The following FAM227A variants were observed in gnomAD, a reference collection of about 807,000 sequenced individuals.
FAM227A encodes family with sequence similarity 227 member A, also known as protein FAM227A.
Under a neutral mutation model 74.7 loss-of-function variants are expected in FAM227A, and 80 were observed. That is an observed-to-expected ratio of 1.07 (90% CI 0.89 to 1.29). The LOEUF is 1.29. FAM227A is among the 50% of genes most tolerant of loss of function. The pLI, the probability that FAM227A is intolerant of heterozygous loss-of-function variation, is 0.00. For synonymous variants in FAM227A, 237 were observed against 241.8 expected (o/e 0.98, Z 0.19); for missense variants, 654 against 683.4 (o/e 0.96, Z 0.48).
chr22:38,646,262 T>G (rs908467222), intron 2 of FAM227A, among the ~76,000 whole-genome samples: 4 of 128,734 alleles, frequency 3.1e-5, no homozygotes, highest in Non-Finnish European at 6.6e-5. Context: ...TTTTTTTTTT[T>G]TTTTTTTTTT....
chr22:38,591,148 T>C lies in FAM227A; in HGVS notation c.1638+287A>G, dbSNP rs999685150. 7.2e-5 allele frequency among the ~76,000 whole-genome samples: 11 copies of C among 152,038 alleles called. No individual in the cohort carries two copies. The South Asian group carries it at 1.5e-3, about 20-fold the overall frequency. ...TTTTCCAGCCTGGGCAACATAGTGA[T>C]ACCCCCAACTCTACAAAAATAAAAA... is the stretch of plus-strand genomic sequence containing the variant. On this transcript the variant is annotated intron_variant, in intron 16 of 16. Transcript: ENST00000535113.
At chr22:38,624,312 G>A (rs2091751290) in intron 9 of FAM227A, among the ~76,000 whole-genome samples, 1 of 152,084 alleles carries the variant, frequency 6.6e-6, no homozygotes, top group Non-Finnish European at 1.5e-5. Context: ...GGCTGAGGCT[G>A]GAGAATCACT....
chr22:38,600,207 T>C (rs2091142037), intron 13 of FAM227A, among the ~76,000 whole-genome samples: 1 of 152,088 alleles, frequency 6.6e-6, no homozygotes, highest in Admixed American at 6.6e-5. Context: ...AAAATGTTTA[T>C]GAAGAGTTGA....
At chr22:38,632,553 A>G (rs896393735) in intron 6 of FAM227A, among the ~76,000 whole-genome samples, 1 of 152,178 alleles carries the variant, frequency 6.6e-6, no homozygotes, top group African/African-American at 2.4e-5. Context: ...TTTATAAATT[A>G]CCAGTCTCAG....
intron 3 of FAM227A, among the ~76,000 whole-genome samples, chr22:38,641,785 C>T (rs1456999264): frequency 6.6e-6 from 1 of 152,044 alleles, no homozygotes; most frequent in Non-Finnish European, 1.5e-5. Context: ...CCTCAGATTT[C>T]TTAAGTGCAG....
At chr22:38,645,399 TAAA>T (rs981794827) in intron 3 of FAM227A, among the ~76,000 whole-genome samples, 161 bp downstream of exon 3, 12 of 152,058 alleles carry the variant, frequency 7.9e-5, no homozygotes, top group African/African-American at 1.9e-4. Flanking sequence ...CAAAAAAAAA[TAAA>T]AAATGTTTAT....
intron 1 of FAM227A, among the ~76,000 whole-genome samples, chr22:38,654,175 C>T (rs891763287): frequency 1.2e-4 from 18 of 151,686 alleles, no homozygotes; most frequent in Admixed American, 5.9e-4. Context: ...GGTGAAACCC[C>T]GTCTCCACTA....
At chr22:38,613,989 C>T (rs1459278369) in intron 11 of FAM227A, among the ~76,000 whole-genome samples, 4 of 152,158 alleles carry the variant, frequency 2.6e-5, no homozygotes. Flanking sequence ...CCTCAGTCCC[C>T]CAAGTAGCTG....
At chr22:38,603,640 T>A (rs551321158) in intron 13 of FAM227A, among the ~76,000 whole-genome samples, 32 of 152,056 alleles carry the variant, frequency 2.1e-4, no homozygotes, top group African/African-American at 7.7e-4. Context: ...ATCAGAAGAG[T>A]TCCACATTCG....
At chr22:38,621,659 C>T (rs868665693) in intron 10 of FAM227A, among the ~76,000 whole-genome samples, 1 of 152,156 alleles carries the variant, frequency 6.6e-6, no homozygotes, top group Non-Finnish European at 1.5e-5. Flanking sequence ...CAGCTAATAA[C>T]CACCACCGTG....
chr22:38,635,161 G>A (rs1320216619), intron 6 of FAM227A, among the ~76,000 whole-genome samples: 1 of 149,470 alleles, frequency 6.7e-6, no homozygotes, highest in Admixed American at 6.7e-5. Flanking sequence ...AGGGAGCGGA[G>A]CTTGCAGTGA....
intron 11 of FAM227A, among the ~76,000 whole-genome samples, chr22:38,614,740 T>C (rs1023132379): frequency 6.6e-6 from 1 of 152,172 alleles, no homozygotes; most frequent in Non-Finnish European, 1.5e-5. Context: ...ATCTCTTAAC[T>C]AGGTTCCTGA....
At chr22:38,630,798 G>C (rs1163960515) in intron 6 of FAM227A, among the ~76,000 whole-genome samples, 1 of 152,202 alleles carries the variant, frequency 6.6e-6, no homozygotes, top group Admixed American at 6.5e-5. Flanking sequence ...CCCGGGACAA[G>C]GCATCCCAGG....
intron 13 of FAM227A, among the ~76,000 whole-genome samples, chr22:38,602,778 G>A (rs922342098): frequency 9.9e-5 from 15 of 152,174 alleles, no homozygotes; most frequent in African/African-American, 3.1e-4. Flanking sequence ...GCAACCCAGC[G>A]TCCTTCCCCT....
At position 38,636,487 on chromosome 22, in the gene FAM227A, G is replaced by T; in HGVS notation, c.483C>A (p.Asn161Lys). The change falls in exon 6 of 17, where the codon AAC becomes AAA. Residue 161 changes from asparagine to lysine, a missense_variant. Transcript: ENST00000535113. ...NGVDFCDMVG[N>K]VVRAERDCLS... ...GGCAGTCTCTCTCAGCCCGGACCAC[G>T]TTGCCCACCATGTCACAGAAGTCCA... The T allele has an allele frequency of 1.3e-6, 2 of 1,551,568 alleles. No homozygotes were observed. Among genetic ancestry groups the T allele is most frequent in the Non-Finnish European group, 1.7e-6 (2 of 1,146,918 alleles).
chr22:38,587,229 C>A (rs1221299451), intron 16 of FAM227A, among the ~76,000 whole-genome samples: 1 of 151,936 alleles, frequency 6.6e-6, no homozygotes, highest in Non-Finnish European at 1.5e-5. Context: ...AAAAGAAGCA[C>A]AAACTAAATC....
intron 11 of FAM227A, 28 bp downstream of exon 11, chr22:38,620,184 G>A (rs2091657643): frequency 6.6e-7 from 1 of 1,516,216 alleles, no homozygotes; most frequent in Non-Finnish European, 9.0e-7. Context: ...GACTCCAAAG[G>A]GGTCCTGGTC....
rs79451900 is a variant in FAM227A, at chr22:38,611,321, A to G, written c.1039-3845T>C. ...TTGGGGAGCCTAAATTTGAGCTACTATGAGATACAATCTAGGGATGCCTAG... is the reference window on the plus strand; with the variant it reads ...TTGGGGAGCCTAAATTTGAGCTACTGTGAGATACAATCTAGGGATGCCTAG... On this transcript the variant is annotated intron_variant, in intron 11 of 16. Transcript: ENST00000535113. Among the ~76,000 whole-genome samples the G allele has an allele frequency of 8.4e-3, 1,276 of 152,210 alleles. 21 individuals are homozygous for G. The highest frequency in any genetic ancestry group is 0.029 in the African/African-American group (1,213 of 41,532).
Position 38,623,368 on chromosome 22 carries a change from T to C in FAM227A, c.851-89A>G, listed in dbSNP as rs190842007. The C allele has an allele frequency of 2.6e-3, 2,141 of 821,630 alleles. 7 individuals carry two copies. The highest frequency in any genetic ancestry group is 3.7e-3 in the Non-Finnish European group (1,830 of 498,320). The allele number at this position is 821,630 out of a possible 1,614,324, so 50.9% of individuals were successfully genotyped here. On this transcript the variant is annotated intron_variant, in intron 9 of 16. Coordinates refer to ENST00000535113, the MANE Select transcript of FAM227A (RefSeq NM_001013647.2). ...ACTTTGAGAAGCCAAGGTGGGAGGA[T>C]TGCTTGAGCCCAGGAGACCAGCCTA...
Sources: gnomAD v4.1 joint callset for allele counts (sites outside exome capture counted in the v4.1 genomes callset) on GRCh38, gnomAD v4.1.1 for gene constraint, MANE v1.5 for transcripts, NCBI Gene and HGNC (gene_info 2026-07-23, HGNC 2026-07-21) for gene names.